The following ANK3 variants were observed in gnomAD, a reference collection of about 807,000 sequenced individuals.
The protein encoded by ANK3 is ankyrin 3, also known as ankyrin-3.
A neutral mutation model predicts 370.9 loss-of-function variants in ANK3; 57 were observed. The ratio of observed to expected loss-of-function variants is 0.15; its 90% confidence interval spans 0.12 to 0.19. The LOEUF (loss-of-function observed/expected upper bound fraction) is 0.19. Ranked by LOEUF, ANK3 falls within the 10% of genes least tolerant of loss-of-function variation. The pLI is 1.00. For synonymous variants in ANK3, 1,929 were observed against 1,946.3 expected (o/e 0.99, Z 0.23); for missense variants, 4,439 against 5,302.1 (o/e 0.84, Z 5.06).
chr10:60,236,979 A>C (rs2097343335), intron 7 of ANK3, among the ~76,000 whole-genome samples: 1 of 152,260 alleles, frequency 6.6e-6, no homozygotes, highest in Non-Finnish European at 1.5e-5. Context: ...TTATTTATAA[A>C]AACAGGCAGT....
intron 2 of ANK3, among the ~76,000 whole-genome samples, chr10:60,566,066 T>G (rs1247088646): frequency 6.6e-5 from 10 of 152,232 alleles, no homozygotes; most frequent in Admixed American, 6.5e-4. Flanking sequence ...TATTTCAATT[T>G]TTTTCTTTAT....
At chr10:60,406,918 T>C (rs2063467928) in intron 2 of ANK3, among the ~76,000 whole-genome samples, 1 of 152,208 alleles carries the variant, frequency 6.6e-6, no homozygotes, top group South Asian at 2.1e-4. Context: ...CCGGGCAAAT[T>C]ATAACAGGAA....
At chr10:60,502,144 A>G (rs1175557623) in intron 2 of ANK3, among the ~76,000 whole-genome samples, 2 of 152,190 alleles carry the variant, frequency 1.3e-5, no homozygotes, top group Non-Finnish European at 2.9e-5. Context: ...CAGGTGACAA[A>G]GCTGTCTGAA....
chr10:60,140,070 C>G, intron 23 of ANK3: 1 of 484,258 alleles, frequency 2.1e-6, no homozygotes, highest in Non-Finnish European at 3.6e-6. Flanking sequence ...ATTCATTCCC[C>G]CAGATATATT....
At chr10:60,389,342 C>A in intron 1 of ANK3, 83 bp downstream of exon 1, 1 of 1,323,610 alleles carries the variant, frequency 7.6e-7, no homozygotes, top group Non-Finnish European at 1.1e-6. Context: ...TAAAAATAAC[C>A]CTTAATGCTT....
intron 17 of ANK3, among the ~76,000 whole-genome samples, chr10:60,181,710 G>A (rs1443669554): frequency 6.6e-6 from 1 of 152,140 alleles, no homozygotes; most frequent in Non-Finnish European, 1.5e-5. Context: ...GGAGGCTAAG[G>A]CAGGAGAATT....
At chr10:60,268,580 G>C (rs891523381) in intron 5 of ANK3, among the ~76,000 whole-genome samples, 3 of 151,796 alleles carry the variant, frequency 2.0e-5, no homozygotes, top group African/African-American at 7.3e-5. Context: ...TAATTGTGTT[G>C]ACAAACATCC....
intron 4 of ANK3, among the ~76,000 whole-genome samples, 161 bp from the exon 5 acceptor site, chr10:60,270,390 C>T (rs2097953991): frequency 6.6e-6 from 1 of 152,190 alleles, no homozygotes; most frequent in Non-Finnish European, 1.5e-5. Context: ...AGCACCATGG[C>T]TTAAGCTAAA....
chr10:60,102,955 TTTA>T (rs1229822926), intron 28 of ANK3, among the ~76,000 whole-genome samples: 1 of 151,682 alleles, frequency 6.6e-6, no homozygotes, highest in African/African-American at 2.4e-5. Flanking sequence ...GGTAAGACAA[TTTA>T]TTTTTTTTTT....
chr10:60,045,697 C>A (rs1235377159), intron 42 of ANK3, among the ~76,000 whole-genome samples: 1 of 152,132 alleles, frequency 6.6e-6, no homozygotes, highest in African/African-American at 2.4e-5. Context: ...ACAAAAACAG[C>A]TGCCTTCCTG....
rs76777115 is a variant in ANK3 at position 60,499,237 on chromosome 10, T to C, written c.96+115949A>G. On this transcript the variant is annotated intron_variant, in intron 2 of 43. Transcript: ENST00000373827. ...CTCAAAAGGGTCATGAATAATGCCA[T>C]ACACTTCACTTCTAAAAAGTAACAG... Among the ~76,000 whole-genome samples, 303 of 152,298 alleles carry C rather than the reference T, an allele frequency of 2.0e-3. 1 individual carries two copies. The highest frequency in any genetic ancestry group is 6.8e-3 in the African/African-American group (282 of 41,566).
intron 2 of ANK3, among the ~76,000 whole-genome samples, chr10:60,484,252 G>A (rs1463973088): frequency 1.3e-5 from 2 of 152,110 alleles, no homozygotes; most frequent in East Asian, 1.9e-4. Context: ...CTTAGATGAC[G>A]GTTGTGTCAA....
chr10:60,157,896 G>GAGAGAGAGAGAGAAAA (rs1565369726), intron 23 of ANK3, among the ~76,000 whole-genome samples: 35 of 81,804 alleles, frequency 4.3e-4, no homozygotes, highest in Non-Finnish European at 1.1e-3. Flanking sequence ...AAGAGAGAGA[G>GAGAGAGAGAGAGAAAA]AGAGAGAGAG....
At chr10:60,445,263 G>A (rs895335798) in intron 2 of ANK3, among the ~76,000 whole-genome samples, 12 of 151,936 alleles carry the variant, frequency 7.9e-5, no homozygotes, top group African/African-American at 2.2e-4. Context: ...GGTGGTGCAC[G>A]CCTGTAGTCC....
chr10:60,452,476 T>C (rs1473947530), intron 2 of ANK3, among the ~76,000 whole-genome samples: 1 of 152,228 alleles, frequency 6.6e-6, no homozygotes. Flanking sequence ...ATTGATACCC[T>C]ATCTTCAGTG....
chr10:60,628,741 G>A (rs139143476), intron 1 of ANK3, among the ~76,000 whole-genome samples: 62 of 152,236 alleles, frequency 4.1e-4, no homozygotes, highest in Middle Eastern at 6.8e-3. Flanking sequence ...GTTCACTCAT[G>A]TTTAAAAAAA....
intron 1 of ANK3, among the ~76,000 whole-genome samples, chr10:60,360,444 C>T (rs1322438350): frequency 6.6e-6 from 1 of 152,162 alleles, no homozygotes; most frequent in Non-Finnish European, 1.5e-5. Context: ...AGCGTTGGCT[C>T]ATGCCTGTAG....
chr10:60,486,793 C>G (rs1182115849), intron 2 of ANK3, among the ~76,000 whole-genome samples: 2 of 141,564 alleles, frequency 1.4e-5, no homozygotes, highest in East Asian at 2.0e-4. Context: ...CTGAACTGCT[C>G]TTACTGATAT....
chr10:60,272,415 G>A (rs1445681126), intron 4 of ANK3, among the ~76,000 whole-genome samples: 2 of 152,092 alleles, frequency 1.3e-5, no homozygotes, highest in African/African-American at 4.8e-5. Flanking sequence ...TCCGAAAGCT[G>A]AAACTTCCAG....
Sources: gnomAD v4.1 joint callset for allele counts (sites outside exome capture counted in the v4.1 genomes callset) on GRCh38, gnomAD v4.1.1 for gene constraint, MANE v1.5 for transcripts, NCBI Gene and HGNC (gene_info 2026-07-23, HGNC 2026-07-21) for gene names.